Variants in ODR4 observed in about 807,000 individuals in gnomAD.
ODR4 encodes protein odr-4 homolog.
In ODR4, 47 loss-of-function variants were observed where a neutral mutation model predicts 60.2. The observed-to-expected ratio is 0.78, with a 90% CI of 0.62 to 1.00. The LOEUF (loss-of-function observed/expected upper bound fraction) is 1.00. ODR4 is among the 50% of genes least tolerant of loss of function. The pLI is 0.00. For missense variants in ODR4, 488 were observed against 530.8 expected, an observed-to-expected ratio of 0.92 and a Z score of 0.79; for synonymous variants, 178 against 175.5, an observed-to-expected ratio of 1.01 and a Z score of -0.11.
downstream of ODR4, among the ~76,000 whole-genome samples, chr1:186,421,879 AATGATGAATCATTCC>A (rs1661793481): frequency 7.4e-6 from 1 of 135,136 alleles, no homozygotes. Flanking sequence ...AAAAAAAAAA[AATGATGAATCATTCC>A]AAAGGAAAAG....
chr1:186,398,669 C>A (rs1418286943), intron 10 of ODR4, among the ~76,000 whole-genome samples: 9 of 151,960 alleles, frequency 5.9e-5, no homozygotes, highest in Admixed American at 5.9e-4. Context: ...AGTAAGTGTT[C>A]CACTGTTATA....
chr1:186,380,609 G>A, intron 2 of ODR4, among the ~76,000 whole-genome samples: 1 of 149,146 alleles, frequency 6.7e-6, no homozygotes. Flanking sequence ...ACACAGGCAA[G>A]CTGACTGTGT....
intron 1 of ODR4, among the ~76,000 whole-genome samples, chr1:186,378,074 G>T (rs1238907321): frequency 6.6e-6 from 1 of 151,710 alleles, no homozygotes; most frequent in Admixed American, 6.6e-5. Context: ...GAGCCAGGAA[G>T]AAATTAATGT....
At chr1:186,431,249 G>T in the ODR4 span, among the ~76,000 whole-genome samples, 6,442 of 152,190 alleles carry the variant, frequency 0.042, 455 homozygotes, top group African/African-American at 0.15. Flanking sequence ...AGTGAAGGAT[G>T]ATGAAAATAA....
At chr1:186,392,867 G>C (rs1371616333) in intron 8 of ODR4, among the ~76,000 whole-genome samples, 1 of 152,180 alleles carries the variant, frequency 6.6e-6, no homozygotes. Context: ...AGCCGGGTGT[G>C]GTGGCAGGTG....
rs1660478552 is a variant in ODR4, at chr1:186,391,781, TAGA to T, written c.704_706del (p.Glu235del). 1.9e-6 allele frequency: 3 copies of T among 1,574,696 alleles called. No homozygotes were observed. The highest frequency in any genetic ancestry group is 1.3e-5 in the African/African-American group (1 of 74,256). ...GTTAAAGATGAAGATTGTGACCTAT[TAGA>T]AGGACAGGTAAGTTAAGAGAAAATC... On this transcript the variant is annotated inframe_deletion, in exon 8 of 14. Coordinates refer to ENST00000287859, the MANE Select transcript of ODR4 (RefSeq NM_017847.6).
intron 12 of ODR4, among the ~76,000 whole-genome samples, chr1:186,407,549 TA>T (rs1395146405): frequency 6.6e-6 from 1 of 152,144 alleles, no homozygotes; most frequent in Non-Finnish European, 1.5e-5. Context: ...AACCTCTTAA[TA>T]CTGAAAACTA....
intron 6 of ODR4, among the ~76,000 whole-genome samples, chr1:186,390,387 G>A (rs1660417363): frequency 6.6e-6 from 1 of 152,182 alleles, no homozygotes; most frequent in Admixed American, 6.5e-5. Context: ...ATTTGCTTCA[G>A]ATCAGAATCT....
chr1:186,397,273 T>C (rs1287330754), intron 9 of ODR4, among the ~76,000 whole-genome samples: 1 of 152,220 alleles, frequency 6.6e-6, no homozygotes, highest in East Asian at 1.9e-4. Flanking sequence ...CATAAGCACA[T>C]AGGCACAAAG....
chr1:186,397,475 T>C (rs1484061381), intron 9 of ODR4, among the ~76,000 whole-genome samples: 2 of 152,180 alleles, frequency 1.3e-5, no homozygotes, highest in African/African-American at 2.4e-5. Context: ...GAGTGTGCCT[T>C]ATTTGAAATG....
chr1:186,394,082 T>C (rs1336624250), intron 9 of ODR4, 67 bp downstream of exon 9: 5 of 937,354 alleles, frequency 5.3e-6, no homozygotes, highest in Non-Finnish European at 8.1e-6. Flanking sequence ...TTTCTGTTTT[T>C]ATTTTTCTCA....
intron 12 of ODR4, among the ~76,000 whole-genome samples, chr1:186,414,654 G>A (rs1661495114): frequency 1.3e-5 from 2 of 151,788 alleles, no homozygotes; most frequent in African/African-American, 2.4e-5. Context: ...TGAGTAGCTG[G>A]GACTACAGGT....
chr1:186,421,332 G>A lies in ODR4; in HGVS notation c.*2256G>A, dbSNP rs954086670. The A allele has an allele frequency of 3.9e-5, 6 of 152,282 alleles. No individual in the cohort carries two copies. Among genetic ancestry groups the A allele is most frequent in the African/African-American group, 1.4e-4 (6 of 41,556 alleles). The allele number at this position is 152,282 out of a possible 1,614,324, so 9.4% of individuals were successfully genotyped here. On this transcript the variant is annotated 3_prime_UTR_variant, in exon 14 of 14. Transcript: ENST00000287859. ...TATAATGAAGTGTTTATAAGAAATTGTAAACAAATGTAAAACTAAATAAAC... is the reference window on the plus strand; with the variant it reads ...TATAATGAAGTGTTTATAAGAAATTATAAACAAATGTAAAACTAAATAAAC...
rs1371510124 is a variant in ODR4 at position 186,388,423 on chromosome 1, G to A, written c.331-19G>A. ...TTTTCATTTTACATTCAATTAGTGT[G>A]TATTTTTCTCTCTTTCAGCTAATGT... On this transcript the variant is annotated intron_variant, in intron 4 of 13. Transcript: ENST00000287859. 7.2e-7 allele frequency: 1 copy of A among 1,383,556 alleles called. No individual in the cohort carries two copies. Among genetic ancestry groups the A allele is most frequent in the South Asian group, 1.3e-5 (1 of 74,446 alleles). The allele number at this position is 1,383,556 out of a possible 1,614,324, so 85.7% of individuals were successfully genotyped here.
intron 12 of ODR4, among the ~76,000 whole-genome samples, chr1:186,415,950 T>A (rs1174909307): frequency 6.6e-6 from 1 of 152,248 alleles, no homozygotes; most frequent in Admixed American, 6.5e-5. Context: ...CTTACCATTC[T>A]GAGTTGTTTC....
At chr1:186,400,146 C>T (rs1660876146) in intron 11 of ODR4, among the ~76,000 whole-genome samples, 1 of 151,004 alleles carries the variant, frequency 6.6e-6, no homozygotes, top group Admixed American at 6.6e-5. Context: ...CACGCGCCAC[C>T]ATGCCCGGCT....
chr1:186,381,369 C>T (rs1046351249), intron 2 of ODR4, among the ~76,000 whole-genome samples: 1 of 151,472 alleles, frequency 6.6e-6, no homozygotes, highest in African/African-American at 2.4e-5. Flanking sequence ...CGCTGTCGCC[C>T]AGGCTGGAGT....
chr1:186,434,510 C>T, the ODR4 span, among the ~76,000 whole-genome samples: 1 of 152,126 alleles, frequency 6.6e-6, no homozygotes, highest in Non-Finnish European at 1.5e-5. Flanking sequence ...CTTGCTGCTC[C>T]TTCAGAGAAA....
At chr1:186,382,082 C>A (rs1411850195) in intron 2 of ODR4, among the ~76,000 whole-genome samples, 1 of 151,776 alleles carries the variant, frequency 6.6e-6, no homozygotes, top group Non-Finnish European at 1.5e-5. Context: ...TTAGATCTCC[C>A]AACTTTGGTT....
Sources: gnomAD v4.1 joint callset for allele counts (sites outside exome capture counted in the v4.1 genomes callset) on GRCh38, gnomAD v4.1.1 for gene constraint, MANE v1.5 for transcripts, NCBI Gene and HGNC (gene_info 2026-07-23, HGNC 2026-07-21) for gene names.